The following CHD9 variants were observed in gnomAD, a reference collection of about 807,000 sequenced individuals.
CHD9 encodes ATP-dependent chromatin remodeler CHD9.
In CHD9, 77 loss-of-function variants were observed where a neutral mutation model predicts 316.1. The observed-to-expected ratio is 0.24, with a 90% CI of 0.20 to 0.29. CHD9 has a LOEUF of 0.29. Among genes scored for constraint, CHD9 ranks in the 10% least tolerant of loss-of-function variants. The probability of loss-of-function intolerance (pLI) is 1.00; values close to 1 mark genes in which losing one functional copy is unlikely to be tolerated. For missense variants in CHD9, 2,763 were observed against 3,438.1 expected (o/e 0.80, Z 4.91); for synonymous variants, 1,129 against 1,158.3 (o/e 0.97, Z 0.51).
intron 8 of CHD9, 37 bp downstream of exon 8, chr16:53,229,137 C>A: frequency 4.8e-6 from 5 of 1,031,878 alleles, no homozygotes; most frequent in South Asian, 3.1e-5. Flanking sequence ...ATGTGTTGGT[C>A]TCTGAATACA....
intron 1 of CHD9, among the ~76,000 whole-genome samples, chr16:53,125,616 A>G (rs2038939114): frequency 6.6e-6 from 1 of 152,104 alleles, no homozygotes; most frequent in Non-Finnish European, 1.5e-5. Flanking sequence ...TTGAATTTTT[A>G]TCTTTTCCCA....
intron 1 of CHD9, among the ~76,000 whole-genome samples, chr16:53,136,090 GT>G (rs2039691229): frequency 6.6e-6 from 1 of 152,044 alleles, no homozygotes; most frequent in African/African-American, 2.4e-5. Flanking sequence ...ATAAGTAGAA[GT>G]TATAGTTCAG....
At position 53,105,339 on chromosome 16, in the gene CHD9, T is replaced by A. The variant is rs117468822; in HGVS notation, c.-165+50262T>A. ...TCATATATATGTATGTAAATGTATATAAGCAAATACGGTTTTATGTGCGTA... is the reference window on the plus strand; with the variant it reads ...TCATATATATGTATGTAAATGTATAAAAGCAAATACGGTTTTATGTGCGTA... On this transcript the variant is annotated intron_variant, in intron 1 of 38. Transcript: ENST00000447540. Among the ~76,000 whole-genome samples, 87 of 152,316 alleles carry A rather than the reference T, an allele frequency of 5.7e-4. No individual in the cohort carries two copies. In the East Asian group the frequency reaches 0.016, roughly 28 times the overall value.
chr16:53,166,004 A>G (rs2152767217), intron 2 of CHD9, among the ~76,000 whole-genome samples: 1 of 152,298 alleles, frequency 6.6e-6, no homozygotes, highest in African/African-American at 2.4e-5. Context: ...TAAAAGTTTC[A>G]GAATTCCTAA....
rs535846619 is a variant in CHD9 at position 53,267,962 on chromosome 16, G to A, written c.4553G>A (p.Arg1518His). The A allele has an allele frequency of 9.3e-6, 15 of 1,613,344 alleles. No individual in the cohort carries two copies. Among genetic ancestry groups the A allele is most frequent in the Non-Finnish European group, 1.1e-5 (13 of 1,179,622 alleles). Reference protein sequence around the residue: ...GRWREILSHGRFKRQLNEHDV... With the variant: ...GRWREILSHGHFKRQLNEHDV... ...TGGAGAGAGATTCTATCTCATGGCC[G>A]TTTCAAAAGGCAGCTAAATGAACAC... Residue 1518 changes from arginine to histidine, a missense_variant, in exon 22 of 39, where the codon CGT becomes CAT. This residue lies in a region of CHD9 where 99 missense variants were observed against 131.6 expected (regional missense o/e 0.75). Transcript: ENST00000447540.
rs771892287 is a variant in CHD9 at position 53,233,356 on chromosome 16, A to G, written c.2511+1572A>G. ...CAAACAGCCAGAGGAAGAGAGACAT[A>G]GGGCGAGGTCTGAGTGCAGGAGCTT... On this transcript the variant is annotated intron_variant, in intron 10 of 38. Transcript: ENST00000447540. Among the ~76,000 whole-genome samples the G allele has an allele frequency of 6.7e-4, 102 of 152,184 alleles. 2 individuals carry two copies. The highest frequency in any genetic ancestry group is 1.9e-4 in the Non-Finnish European group (13 of 68,026).
Position 53,254,422 on chromosome 16 carries a change from C to CAT in CHD9, c.3862-16_3862-15insAT. Reference sequence around the variant, plus strand: ...TTTGAGAAACTAATTAAATATGTAACTTTTCATTTTTATAGGCCCAAGCTC... The same window carrying CAT: ...TTTGAGAAACTAATTAAATATGTAACATTTTTCATTTTTATAGGCCCAAGCTC... On this transcript the variant is annotated splice_polypyrimidine_tract_variant and intron_variant, in intron 17 of 38. Transcript: ENST00000447540. The CAT allele has an allele frequency of 1.2e-5, 18 of 1,523,676 alleles. No individual in the cohort carries two copies. The highest frequency in any genetic ancestry group is 1.6e-5 in the Non-Finnish European group (18 of 1,129,178). 94.4% of individuals were successfully genotyped at this position (1,523,676 alleles called of 1,614,324 possible).
chr16:53,158,597 T>C (rs1257732978), intron 2 of CHD9, among the ~76,000 whole-genome samples: 2 of 152,204 alleles, frequency 1.3e-5, no homozygotes. Flanking sequence ...GCTTAGACTA[T>C]GCCTAGCATA....
At chr16:53,094,955 T>C (rs1386857990) in intron 1 of CHD9, among the ~76,000 whole-genome samples, 1 of 152,194 alleles carries the variant, frequency 6.6e-6, no homozygotes, top group Non-Finnish European at 1.5e-5. Context: ...TCCTTTTTAC[T>C]GAATTTAAGT....
intron 1 of CHD9, among the ~76,000 whole-genome samples, chr16:53,112,920 T>G (rs2037978453): frequency 6.6e-6 from 1 of 152,120 alleles, no homozygotes; most frequent in Non-Finnish European, 1.5e-5. Context: ...GAGGATTGCC[T>G]GAGTCTAGGA....
At chr16:53,207,912 A>G (rs2046011272) in intron 2 of CHD9, 2 of 352,026 alleles carry the variant, frequency 5.7e-6, no homozygotes, top group Non-Finnish European at 8.0e-6. Context: ...GCAGAGTCTA[A>G]TGGAATAATA....
At chr16:53,306,794 C>CTT (rs138032076) in intron 32 of CHD9, among the ~76,000 whole-genome samples, 185 of 150,886 alleles carry the variant, frequency 1.2e-3, no homozygotes, top group African/African-American at 4.0e-3. Context: ...GATTTTCTTC[C>CTT]TTTTTTTTTG....
At chr16:53,111,352 C>T (rs1345827556) in intron 1 of CHD9, among the ~76,000 whole-genome samples, 1 of 152,118 alleles carries the variant, frequency 6.6e-6, no homozygotes, top group African/African-American at 2.4e-5. Flanking sequence ...GGGGTTTCCA[C>T]TTTTCTGTTT....
At chr16:53,124,500 A>G (rs1230571642) in intron 1 of CHD9, among the ~76,000 whole-genome samples, 1 of 131,642 alleles carries the variant, frequency 7.6e-6, no homozygotes, top group Non-Finnish European at 1.6e-5. Context: ...TTTTTGGAGA[A>G]GGTGTCTCGC....
At chr16:53,181,421 CAGTAATTTA>C (rs903752689) in intron 2 of CHD9, among the ~76,000 whole-genome samples, 129 of 152,014 alleles carry the variant, frequency 8.5e-4, no homozygotes, top group African/African-American at 2.8e-3. Flanking sequence ...TACTATGGTA[CAGTAATTTA>C]AGTAATTTAA....
intron 1 of CHD9, among the ~76,000 whole-genome samples, chr16:53,128,327 C>T (rs1042649117): frequency 6.6e-6 from 1 of 152,188 alleles, no homozygotes; most frequent in Admixed American, 6.5e-5. Flanking sequence ...GGATTACAGG[C>T]ATGCGCCACC....
Position 53,263,058 on chromosome 16 carries a change from T to C in CHD9, c.4281T>C (p.Ala1427=), listed in dbSNP as rs1421692930. 3 of 1,612,766 alleles carry C rather than the reference T, an allele frequency of 1.9e-6. No individual in the cohort carries two copies. The highest frequency in any genetic ancestry group is 2.5e-6 in the Non-Finnish European group (3 of 1,179,190). The part of the protein sequence containing the change: ...LDDPNFWQKW[A]KKAEIDIEAI... Reference sequence around the variant, plus strand: ...ATCCCAACTTCTGGCAAAAATGGGCTAAAAAGGCAGAAATAGATATAGAGG... The same window carrying C: ...ATCCCAACTTCTGGCAAAAATGGGCCAAAAAGGCAGAAATAGATATAGAGG... The change falls in exon 20 of 39, where the codon GCT becomes GCC. Residue 1427 remains alanine, a synonymous_variant. Transcript: ENST00000447540.
intron 19 of CHD9, among the ~76,000 whole-genome samples, chr16:53,256,381 CTTTTTT>C (rs1163977563): frequency 2.0e-5 from 2 of 99,260 alleles, no homozygotes; most frequent in Non-Finnish European, 4.0e-5. Context: ...TTTTTCTTTT[CTTTTTT>C]TTTTTTTTTT....
intron 2 of CHD9, among the ~76,000 whole-genome samples, chr16:53,160,365 A>G (rs1208674637): frequency 6.6e-6 from 1 of 152,190 alleles, no homozygotes; most frequent in Non-Finnish European, 1.5e-5. Flanking sequence ...TTTGGAATGA[A>G]TGGAGGATAA....
Sources: allele counts gnomAD v4.1 joint callset (sites outside exome capture counted in the v4.1 genomes callset), GRCh38; gene constraint gnomAD v4.1.1; regional missense constraint gnomAD v4.1.1; transcripts MANE v1.5; gene names NCBI Gene and HGNC (gene_info 2026-07-23, HGNC 2026-07-21).